SLC15A5: variants seen among roughly 807,000 people sequenced by gnomAD.
SLC15A5 encodes the protein Peptide/histidine transporter ENSP00000340402.
In SLC15A5, 58 loss-of-function variants were observed where a neutral mutation model predicts 56.1. The observed-to-expected ratio is 1.03, with a 90% CI of 0.84 to 1.29. SLC15A5 has a LOEUF of 1.29. SLC15A5 is among the 50% of genes most tolerant of loss of function. The probability of loss-of-function intolerance (pLI) is 0.00; values close to 1 mark genes in which losing one functional copy is unlikely to be tolerated. For missense variants in SLC15A5, 681 were observed against 672.1 expected, an observed-to-expected ratio of 1.01 and a Z score of -0.15; for synonymous variants, 264 against 250.5, an observed-to-expected ratio of 1.05 and a Z score of -0.51.
chr12:16,192,804 A>G (rs1379161444), intron 8 of SLC15A5, among the ~76,000 whole-genome samples: 2 of 152,108 alleles, frequency 1.3e-5, no homozygotes, highest in African/African-American at 2.4e-5. Flanking sequence ...TAGGCATAAG[A>G]CCATTATAAT....
At chr12:16,250,059 G>GC (rs1452336936) in intron 3 of SLC15A5, among the ~76,000 whole-genome samples, 1 of 151,962 alleles carries the variant, frequency 6.6e-6, no homozygotes, top group Non-Finnish European at 1.5e-5. Context: ...ATGCTTCACT[G>GC]CCTCAGTATG....
At chr12:16,253,799 G>A (rs1864542572) in intron 3 of SLC15A5, among the ~76,000 whole-genome samples, 1 of 152,140 alleles carries the variant, frequency 6.6e-6, no homozygotes, top group African/African-American at 2.4e-5. Flanking sequence ...AGGATGTGGA[G>A]AAATTGTGGG....
intron 3 of SLC15A5, among the ~76,000 whole-genome samples, chr12:16,254,135 G>T (rs1913254): frequency 0.44 from 67,006 of 151,700 alleles, 14,989 homozygotes; most frequent in South Asian, 0.61. Context: ...GTATATCCAT[G>T]TTGTAGCATG....
chr12:16,225,162 A>G (rs1201578989), intron 5 of SLC15A5, among the ~76,000 whole-genome samples: 1 of 152,120 alleles, frequency 6.6e-6, no homozygotes, highest in Non-Finnish European at 1.5e-5. Flanking sequence ...AGTCTTTGCT[A>G]TTGTGAGTAG....
At chr12:16,192,470 G>A (rs564236690) in intron 8 of SLC15A5, among the ~76,000 whole-genome samples, 7 of 152,014 alleles carry the variant, frequency 4.6e-5, no homozygotes, top group East Asian at 3.9e-4. Context: ...TGCACTCCAC[G>A]CCACTATTTC....
intron 3 of SLC15A5, among the ~76,000 whole-genome samples, chr12:16,246,548 G>T (rs528359347): frequency 2.8e-4 from 43 of 152,228 alleles, no homozygotes; most frequent in Non-Finnish European, 6.0e-4. Flanking sequence ...GCAGAGTGGT[G>T]CTGGGTAGAT....
At chr12:16,190,832 C>T (rs911551190) in intron 8 of SLC15A5, among the ~76,000 whole-genome samples, 6 of 152,072 alleles carry the variant, frequency 3.9e-5, no homozygotes, top group Non-Finnish European at 8.8e-5. Context: ...ATAATTCTTA[C>T]AGCATAGACA....
intron 6 of SLC15A5, among the ~76,000 whole-genome samples, chr12:16,223,708 G>A (rs1026697528): frequency 7.3e-6 from 1 of 137,604 alleles, no homozygotes; most frequent in Admixed American, 7.8e-5. Flanking sequence ...ATTTTTGGAG[G>A]AGTATAAATG....
At chr12:16,238,199 C>T (rs1864370769) in intron 5 of SLC15A5, among the ~76,000 whole-genome samples, 1 of 152,082 alleles carries the variant, frequency 6.6e-6, no homozygotes, top group African/African-American at 2.4e-5. Flanking sequence ...AAACCCACTC[C>T]ATGATGTGAT....
chr12:16,252,758 CT>C (rs779176786), intron 3 of SLC15A5, among the ~76,000 whole-genome samples: 2 of 152,006 alleles, frequency 1.3e-5, no homozygotes, highest in Non-Finnish European at 2.9e-5. Flanking sequence ...AATGCAATCC[CT>C]GTCAAAATCT....
intron 2 of SLC15A5, among the ~76,000 whole-genome samples, chr12:16,260,790 G>T (rs1864636373): frequency 6.6e-6 from 1 of 150,422 alleles, no homozygotes; most frequent in African/African-American, 2.4e-5. Context: ...TATGGGTTTT[G>T]ATCTCATATA....
intron 7 of SLC15A5, among the ~76,000 whole-genome samples, chr12:16,198,386 C>T (rs1229949518): frequency 6.6e-6 from 1 of 152,072 alleles, no homozygotes; most frequent in East Asian, 1.9e-4. Flanking sequence ...TTCTATTTAT[C>T]CGAAATTATC....
chr12:16,249,782 A>T (rs1191516187), intron 3 of SLC15A5, among the ~76,000 whole-genome samples: 2 of 152,080 alleles, frequency 1.3e-5, no homozygotes, highest in Non-Finnish European at 2.9e-5. Flanking sequence ...AATAGTATAT[A>T]TGAATATATG....
intron 7 of SLC15A5, among the ~76,000 whole-genome samples, chr12:16,207,669 G>A (rs570100768): frequency 1.3e-5 from 2 of 150,622 alleles, no homozygotes; most frequent in East Asian, 3.9e-4. Context: ...TTTTTGAGAC[G>A]GAGTTTTGCT....
intron 5 of SLC15A5, among the ~76,000 whole-genome samples, 159 bp from the exon 6 acceptor site, chr12:16,224,761 G>A (rs950104223): frequency 6.6e-6 from 1 of 151,182 alleles, no homozygotes; most frequent in African/African-American, 2.4e-5. Context: ...AAGTTCTAGG[G>A]TACATGTGTA....
At chr12:16,252,662 A>G (rs1864531269) in intron 3 of SLC15A5, among the ~76,000 whole-genome samples, 1 of 152,124 alleles carries the variant, frequency 6.6e-6, no homozygotes, top group Admixed American at 6.6e-5. Flanking sequence ...GAATATACAA[A>G]TAAATGGAAA....
intron 5 of SLC15A5, among the ~76,000 whole-genome samples, chr12:16,231,941 C>T (rs958741437): frequency 6.6e-6 from 1 of 152,192 alleles, no homozygotes; most frequent in Non-Finnish European, 1.5e-5. Context: ...GGGAGATTCT[C>T]ATAATAATAT....
intron 3 of SLC15A5, among the ~76,000 whole-genome samples, chr12:16,253,864 C>G (rs182299635): frequency 5.5e-4 from 84 of 152,120 alleles, no homozygotes; most frequent in African/African-American, 2.0e-3. Flanking sequence ...TTGTGGAAAG[C>G]AGTAAAAAGA....
rs1864433688 is a variant in SLC15A5, at chr12:16,243,557, T to A, written c.975+1023A>T. Among the ~76,000 whole-genome samples the A allele has an allele frequency of 6.6e-6, 1 of 152,148 alleles. No homozygotes were observed. Among genetic ancestry groups the A allele is most frequent in the Non-Finnish European group, 1.5e-5 (1 of 68,030 alleles). On this transcript the variant is annotated intron_variant, in intron 4 of 8. Transcript: ENST00000344941. This position sits in a 1 kb window ranked among gnomAD's most constrained non-coding sequence, Gnocchi z 4.4. ...CTAGAAAATACTATTCTTTTTTTAA[T>A]TTTTTTCAAACATATAAAAATGTAA...
Sources: gnomAD v4.1 joint callset for allele counts (sites outside exome capture counted in the v4.1 genomes callset) on GRCh38, gnomAD v4.1.1 for gene constraint, Gnocchi (gnomAD v3.1) non-coding constraint, MANE v1.5 for transcripts, NCBI Gene and HGNC (gene_info 2026-07-23, HGNC 2026-07-21) for gene names.